The following DMD variants were observed in gnomAD, a reference collection of about 807,000 sequenced individuals.
The protein encoded by DMD is dystrophin.
In DMD, 63 loss-of-function variants were observed where a neutral mutation model predicts 330.1. That is an observed-to-expected ratio of 0.19 (90% CI 0.16 to 0.24). The LOEUF (loss-of-function observed/expected upper bound fraction) is 0.24, where lower values mean the gene tolerates loss of function less well. Ranked by LOEUF, DMD falls within the 10% of genes least tolerant of loss-of-function variation. The pLI is 1.00. For synonymous variants in DMD, 1,223 were observed against 959.8 expected, an observed-to-expected ratio of 1.27 and a Z score of -5.07; for missense variants, 3,344 against 2,684.1, an observed-to-expected ratio of 1.25 and a Z score of -5.43.
chrX:31,284,875 C>A (rs2053077063), intron 62 of DMD, among the ~76,000 whole-genome samples: 1 of 109,080 alleles, frequency 9.2e-6, no homozygotes, highest in East Asian at 2.8e-4. Flanking sequence ...CACACCCACA[C>A]ACGCAAAGTA....
chrX:31,818,835 C>A (rs1390702880), intron 50 of DMD, among the ~76,000 whole-genome samples: 2 of 110,612 alleles, frequency 1.8e-5, no homozygotes, highest in African/African-American at 6.6e-5. Flanking sequence ...ATGAGATGCA[C>A]TGTCCCCAGA....
At chrX:32,935,367 A>G (rs778808928) in intron 2 of DMD, among the ~76,000 whole-genome samples, 2 of 112,377 alleles carry the variant, frequency 1.8e-5, no homozygotes, top group Admixed American at 1.9e-4. Flanking sequence ...ATGCCACAAC[A>G]ACATAGTTAG....
At chrX:33,318,416 T>A (rs1229204282) in intron 1 of DMD, among the ~76,000 whole-genome samples, 1 of 110,194 alleles carries the variant, frequency 9.1e-6, no homozygotes, top group Non-Finnish European at 1.9e-5. Context: ...AAAGTTTTTT[T>A]AAAATGATGT....
intron 44 of DMD, among the ~76,000 whole-genome samples, chrX:32,054,086 TGTGAGAGAGAGAGAGAGA>T (rs1403618231): frequency 3.8e-5 from 3 of 79,025 alleles, no homozygotes; most frequent in African/African-American, 1.0e-4. Context: ...TGTGTGTGTG[TGTGAGAGAGAGAGAGAGA>T]GAGAGAGAGA....
chrX:33,223,261 A>G (rs766437693), intron 1 of DMD, among the ~76,000 whole-genome samples: 93 of 112,217 alleles, frequency 8.3e-4, no homozygotes, highest in Non-Finnish European at 1.6e-3. Flanking sequence ...CAGTGAGCCG[A>G]GATCATGCCA....
chrX:33,287,610 G>A (rs1043492184), intron 1 of DMD, among the ~76,000 whole-genome samples: 1 of 111,468 alleles, frequency 9.0e-6, no homozygotes, highest in Non-Finnish European at 1.9e-5. Flanking sequence ...TTAAGAAGAA[G>A]AAATGCCTTT....
chrX:32,507,769 T>C (rs565904950), intron 18 of DMD, among the ~76,000 whole-genome samples: 5 of 111,833 alleles, frequency 4.5e-5, no homozygotes, highest in African/African-American at 1.6e-4. Flanking sequence ...ATAATTTCCA[T>C]ATGTATGTCA....
chrX:32,883,883 G>GCT (rs1301790829), intron 2 of DMD, among the ~76,000 whole-genome samples: 2 of 103,244 alleles, frequency 1.9e-5, no homozygotes, highest in Non-Finnish European at 3.9e-5. Flanking sequence ...CAAAATTTAG[G>GCT]CTCTTAAAAA....
At chrX:32,156,332 A>T (rs2096830181) in intron 44 of DMD, among the ~76,000 whole-genome samples, 1 of 112,330 alleles carries the variant, frequency 8.9e-6, no homozygotes, top group South Asian at 3.7e-4. Context: ...GTGAGCCGAG[A>T]TTGCACCACT....
At chrX:32,469,127 G>A (rs965320743) in intron 22 of DMD, among the ~76,000 whole-genome samples, 19 of 109,981 alleles carry the variant, frequency 1.7e-4, no homozygotes, top group Non-Finnish European at 1.9e-5. Flanking sequence ...ATTGATATAT[G>A]GAATAGAAAA....
At chrX:32,148,999 A>G (rs755759812) in intron 44 of DMD, among the ~76,000 whole-genome samples, 15 of 112,195 alleles carry the variant, frequency 1.3e-4, no homozygotes, top group Non-Finnish European at 2.8e-4. Context: ...TGACAAAGTG[A>G]TATGCATTTT....
intron 7 of DMD, among the ~76,000 whole-genome samples, chrX:32,723,883 A>T (rs1371978869): frequency 9.0e-6 from 1 of 110,708 alleles, no homozygotes; most frequent in Non-Finnish European, 1.9e-5. Context: ...ACTAAAAAAA[A>T]AAACCTGCAA....
intron 22 of DMD, among the ~76,000 whole-genome samples, chrX:32,469,535 A>G (rs1176001187): frequency 9.0e-6 from 1 of 111,042 alleles, no homozygotes; most frequent in Non-Finnish European, 1.9e-5. Context: ...TCTAAGTTTT[A>G]TAGTTTCATA....
At chrX:31,902,826 T>C (rs2094439010) in intron 47 of DMD, among the ~76,000 whole-genome samples, 1 of 111,721 alleles carries the variant, frequency 9.0e-6, no homozygotes, top group Admixed American at 9.5e-5. Context: ...AAAAATGATT[T>C]TTTCCCCTTT....
chrX:31,648,024 T>C (rs1423768911), intron 54 of DMD, among the ~76,000 whole-genome samples: 1 of 112,347 alleles, frequency 8.9e-6, no homozygotes, highest in African/African-American at 3.2e-5. Context: ...ATTTCCCCCA[T>C]GTTTTTTATT....
intron 49 of DMD, among the ~76,000 whole-genome samples, chrX:31,828,551 C>A (rs1199535879): frequency 9.3e-6 from 1 of 107,703 alleles, no homozygotes; most frequent in Non-Finnish European, 1.9e-5. Flanking sequence ...GTAATCTCAG[C>A]TACTTGGGAG....
At chrX:31,394,879 G>T (rs2060842297) in intron 60 of DMD, among the ~76,000 whole-genome samples, 1 of 106,225 alleles carries the variant, frequency 9.4e-6, no homozygotes, top group African/African-American at 3.5e-5. Context: ...GGATCACAAT[G>T]AATAGCTAGG....
intron 41 of DMD, among the ~76,000 whole-genome samples, chrX:32,330,663 G>A (rs1310697586): frequency 9.0e-6 from 1 of 111,301 alleles, no homozygotes; most frequent in Non-Finnish European, 1.9e-5. Flanking sequence ...CATTGTATGA[G>A]TTATATTTAT....
intron 44 of DMD, among the ~76,000 whole-genome samples, chrX:32,148,724 T>C (rs2096790324): frequency 8.9e-6 from 1 of 111,797 alleles, no homozygotes; most frequent in Non-Finnish European, 1.9e-5. Flanking sequence ...ACAAATACTA[T>C]AGCTAACTAA....
Sources: gnomAD v4.1 joint callset for allele counts (sites outside exome capture counted in the v4.1 genomes callset) on GRCh38, gnomAD v4.1.1 for gene constraint, MANE v1.5 for transcripts, NCBI Gene and HGNC (gene_info 2026-07-23, HGNC 2026-07-21) for gene names.